ARSB: variants seen among roughly 807,000 people sequenced by gnomAD.
ARSB encodes N-acetylgalactosamine-4-sulfatase.
A neutral mutation model predicts 50.9 loss-of-function variants in ARSB; 41 were observed. The observed-to-expected ratio is 0.81, with a 90% CI of 0.63 to 1.04. The LOEUF (loss-of-function observed/expected upper bound fraction) is 1.04, where lower values mean the gene tolerates loss of function less well. Ranked by LOEUF, ARSB falls within the 50% of genes least tolerant of loss-of-function variation. The pLI, the probability that ARSB is intolerant of heterozygous loss-of-function variation, is 0.00. For missense variants in ARSB, 672 were observed against 693.3 expected, an observed-to-expected ratio of 0.97 and a Z score of 0.35; for synonymous variants, 269 against 284.8, an observed-to-expected ratio of 0.94 and a Z score of 0.56.
chr5:78,791,098 C>T (rs1167994552), intron 6 of ARSB, among the ~76,000 whole-genome samples: 1 of 152,166 alleles, frequency 6.6e-6, no homozygotes, highest in Admixed American at 6.5e-5. Flanking sequence ...ATCTGACTTT[C>T]CCTGCCAGTG....
chr5:78,872,816 TAAAAAA>T (rs56211605), intron 5 of ARSB, among the ~76,000 whole-genome samples: 3 of 128,088 alleles, frequency 2.3e-5, no homozygotes, highest in South Asian at 2.5e-4. Flanking sequence ...AAAGTATAAT[TAAAAAA>T]AAAAAAAAAA....
chr5:78,856,899 T>C (rs138803011), intron 5 of ARSB, among the ~76,000 whole-genome samples: 13 of 152,338 alleles, frequency 8.5e-5, no homozygotes, highest in African/African-American at 2.9e-4. Context: ...GCATTGTCTT[T>C]GGGAGCAAAG....
In ARSB at chr5:78,885,549, C is replaced by G. The variant is rs1747978076; in HGVS notation, c.1142+35G>C. 5 of 1,608,312 alleles carry G rather than the reference C, an allele frequency of 3.1e-6. 1 individual carries two copies. In the South Asian group the frequency reaches 5.5e-5, roughly 18 times the overall value. The stretch of plus-strand genomic sequence containing the variant: ...TGGAGTCAGGCTGCTCTTGGAGTTT[C>G]TGTCCTGGGAGGAAAAAGGGCAGGG... On this transcript the variant is annotated intron_variant, in intron 5 of 7. Coordinates refer to ENST00000264914, the MANE Select transcript of ARSB (RefSeq NM_000046.5).
rs754741641 is a variant in ARSB at position 78,839,343 on chromosome 5, C to T, written c.1213+13G>A. 3.1e-6 allele frequency: 5 copies of T among 1,611,180 alleles called. No individual in the cohort carries two copies. The Admixed American group carries it at 5.0e-5, about 16-fold the overall frequency. On this transcript the variant is annotated intron_variant, in intron 6 of 7. Coordinates refer to ENST00000264914, the MANE Select transcript of ARSB (RefSeq NM_000046.5). ...AATTAGATTTAATCTAGTAGCAATG[C>T]ACTGGTACTCACACGGTGAAGAGTC...
intron 5 of ARSB, among the ~76,000 whole-genome samples, chr5:78,840,473 T>C (rs547494379): frequency 1.3e-5 from 2 of 152,330 alleles, no homozygotes; most frequent in East Asian, 1.9e-4. Context: ...TGGGTTGTGA[T>C]TCACAACTTT....
At chr5:78,885,379 C>G (rs756374710) in intron 5 of ARSB, 1 of 746,442 alleles carries the variant, frequency 1.3e-6, no homozygotes, top group Non-Finnish European at 2.0e-6. Flanking sequence ...TTGTTCTTCA[C>G]GTAAAACACA....
At chr5:78,980,502 T>G (rs1219998741) in intron 1 of ARSB, among the ~76,000 whole-genome samples, 1 of 152,214 alleles carries the variant, frequency 6.6e-6, no homozygotes, top group Non-Finnish European at 1.5e-5. Flanking sequence ...ATGTATCCAT[T>G]TAACAAAATA....
chr5:78,971,294 G>A (rs1285272547), intron 1 of ARSB, among the ~76,000 whole-genome samples: 3 of 152,116 alleles, frequency 2.0e-5, no homozygotes, highest in African/African-American at 4.8e-5. Context: ...GCTTAGCCAG[G>A]GAGATGCTCT....
chr5:78,892,782 G>C (rs531106938), intron 4 of ARSB, among the ~76,000 whole-genome samples: 2 of 152,298 alleles, frequency 1.3e-5, no homozygotes, highest in African/African-American at 4.8e-5. Flanking sequence ...ATTATTCGTA[G>C]GGGTTTAAAA....
intron 4 of ARSB, among the ~76,000 whole-genome samples, chr5:78,918,960 G>A (rs889010730): frequency 6.6e-6 from 1 of 152,162 alleles, no homozygotes; most frequent in Non-Finnish European, 1.5e-5. Flanking sequence ...ATAAAATGCT[G>A]CAGTTGAGTA....
At chr5:78,866,502 T>G (rs1161958729) in intron 5 of ARSB, among the ~76,000 whole-genome samples, 1 of 152,118 alleles carries the variant, frequency 6.6e-6, no homozygotes. Context: ...TCTGATAAGA[T>G]AAACTCCAGA....
intron 5 of ARSB, among the ~76,000 whole-genome samples, chr5:78,850,652 A>T (rs565480587): frequency 6.6e-6 from 1 of 152,184 alleles, no homozygotes; most frequent in East Asian, 1.9e-4. Context: ...TCCTCCTTGT[A>T]CCTCTGGTAG....
At position 78,887,685 on chromosome 5, in the gene ARSB, T is replaced by A. The variant is rs61302900; in HGVS notation, c.899-1858A>T. ...ATTATAACCATTTTGTCACGTTTTTTAAAAGGAAGTTTGAAAAAGCCAAAC... is the reference window on the plus strand; with the variant it reads ...ATTATAACCATTTTGTCACGTTTTTAAAAAGGAAGTTTGAAAAAGCCAAAC... On this transcript the variant is annotated intron_variant, in intron 4 of 7. Transcript: ENST00000264914. Among the ~76,000 whole-genome samples, 107 of 152,314 alleles carry A rather than the reference T, an allele frequency of 7.0e-4. 1 individual carries two copies. The East Asian group carries it at 0.019, about 27-fold the overall frequency.
chr5:78,829,379 A>T (rs1744574752), intron 6 of ARSB, among the ~76,000 whole-genome samples: 2 of 152,234 alleles, frequency 1.3e-5, no homozygotes, highest in Admixed American at 1.3e-4. Context: ...AAATTTAAAG[A>T]TATCCTTTTT....
chr5:78,827,539 TA>T (rs1744488494), intron 6 of ARSB, among the ~76,000 whole-genome samples: 1 of 152,210 alleles, frequency 6.6e-6, no homozygotes. Flanking sequence ...GAGATTATTC[TA>T]ACACTTTGCT....
In ARSB at chr5:78,796,971, G is replaced by A. The variant is rs887123133; in HGVS notation, c.1214-14997C>T. Among the ~76,000 whole-genome samples the A allele has an allele frequency of 2.7e-5, 4 of 149,156 alleles. No homozygotes were observed. The East Asian group carries it at 5.9e-4, about 22-fold the overall frequency. ...CGGCTCACTGCAAGCTCCGCCTCCCGGGTTCACGCCATTCTCCTGCCTCAG... is the reference window on the plus strand; with the variant it reads ...CGGCTCACTGCAAGCTCCGCCTCCCAGGTTCACGCCATTCTCCTGCCTCAG... On this transcript the variant is annotated intron_variant, in intron 6 of 7. Transcript: ENST00000264914.
chr5:78,846,020 A>C (rs894321361), intron 5 of ARSB, among the ~76,000 whole-genome samples: 1 of 152,166 alleles, frequency 6.6e-6, no homozygotes, highest in African/African-American at 2.4e-5. Context: ...TTCAGGTCTT[A>C]TATTTAAGTC....
chr5:78,896,639 ATTG>A (rs1457736703), intron 4 of ARSB, among the ~76,000 whole-genome samples: 2 of 152,148 alleles, frequency 1.3e-5, no homozygotes, highest in African/African-American at 4.8e-5. Flanking sequence ...ATCCATTTTT[ATTG>A]TTTTGGTTAT....
At chr5:78,921,382 G>C (rs1561502978) in intron 4 of ARSB, among the ~76,000 whole-genome samples, 1 of 148,666 alleles carries the variant, frequency 6.7e-6, no homozygotes. Context: ...GTGTGTGTGT[G>C]TATACACACA....
Sources: allele counts gnomAD v4.1 joint callset (sites outside exome capture counted in the v4.1 genomes callset), GRCh38; gene constraint gnomAD v4.1.1; transcripts MANE v1.5; gene names NCBI Gene and HGNC (gene_info 2026-07-23, HGNC 2026-07-21).